Variants in TYRP1 observed in about 807,000 individuals in gnomAD.
TYRP1 encodes tyrosinase related protein 1.
Under a neutral mutation model 42.8 loss-of-function variants are expected in TYRP1, and 49 were observed. The ratio of observed to expected loss-of-function variants is 1.14; its 90% CI spans 0.91 to 1.45. TYRP1 has a LOEUF of 1.45. Ranked by LOEUF, TYRP1 falls within the 40% of genes most tolerant of loss-of-function variation. The pLI, the probability that TYRP1 is intolerant of heterozygous loss-of-function variation, is 0.00. For missense variants in TYRP1, 848 were observed against 662.0 expected (o/e 1.28, Z -3.08); for synonymous variants, 279 against 235.4 (o/e 1.19, Z -1.69).
At chr9:12,702,676 A>G (rs1159145868) in intron 5 of TYRP1, among the ~76,000 whole-genome samples, 1 of 152,068 alleles carries the variant, frequency 6.6e-6, no homozygotes, top group East Asian at 1.9e-4. Flanking sequence ...CTAATTTCTT[A>G]AACACCCAAA....
rs541742268 is a variant in TYRP1, at chr9:12,704,542, G to A, written c.1098G>A (p.Thr366=). 15 of 1,612,334 alleles carry A rather than the reference G, an allele frequency of 9.3e-6. No homozygotes were observed. Among genetic ancestry groups the A allele is most frequent in the African/African-American group, 5.3e-5 (4 of 74,900 alleles). Residue 366 remains threonine, a synonymous_variant, in exon 6 of 8, where the codon ACG becomes ACA. Transcript: ENST00000388918. ...RNTVEGYSDP[T]GKYDPAVRSL... is the part of the protein sequence containing the mutation. ...TGTGTCTAGGTTACAGTGACCCCAC[G>A]GGAAAGTATGACCCTGCTGTTCGAA...
chr9:12,695,939 T>G, intron 3 of TYRP1, 102 bp downstream of exon 3: 3 of 1,310,436 alleles, frequency 2.3e-6, no homozygotes, highest in East Asian at 2.4e-5. Flanking sequence ...GAACATTTGA[T>G]GAAAAAGCAA....
intron 3 of TYRP1, among the ~76,000 whole-genome samples, chr9:12,698,173 A>C (rs373285477): frequency 1.3e-5 from 2 of 152,210 alleles, no homozygotes; most frequent in East Asian, 3.9e-4. Flanking sequence ...AAAAAAGAAA[A>C]AGAAGACCCT....
intron 2 of TYRP1, among the ~76,000 whole-genome samples, chr9:12,694,809 T>G (rs2118220545): frequency 6.6e-6 from 1 of 152,326 alleles, no homozygotes; most frequent in African/African-American, 2.4e-5. Context: ...CTGCTGACCC[T>G]TAAAGAAGTT....
At chr9:12,694,515 C>A in intron 2 of TYRP1, 134 bp downstream of exon 2, 3 of 1,191,838 alleles carry the variant, frequency 2.5e-6, no homozygotes, top group Non-Finnish European at 3.6e-6. Context: ...GTTGAGGAAA[C>A]TGAGGCTTAG....
chr9:12,694,093 G>C lies in TYRP1; in HGVS notation c.97G>C (p.Val33Leu). The C allele has an allele frequency of 6.2e-7, 1 of 1,614,088 alleles. No homozygotes were observed. The highest frequency in any genetic ancestry group is 1.3e-5 in the African/African-American group (1 of 75,016). ...TCAATTCCCAAGACAGTGTGCCACT[G>C]TTGAGGCTTTGAGAAGTGGTATGTG... Reference protein sequence around the residue: ...RAQFPRQCATVEALRSGMCCP... With the variant: ...RAQFPRQCATLEALRSGMCCP... Residue 33 changes from valine (V) to leucine (L), a missense_variant, in exon 2 of 8, where the codon GTT (valine) becomes CTT (leucine). Coordinates refer to ENST00000388918, the MANE Select transcript of TYRP1 (RefSeq NM_000550.3).
intron 3 of TYRP1, among the ~76,000 whole-genome samples, chr9:12,697,953 G>T (rs1490699902): frequency 6.6e-6 from 1 of 152,084 alleles, no homozygotes; most frequent in Non-Finnish European, 1.5e-5. Context: ...GAATCTAAAT[G>T]CCTAGTCATT....
rs1464007897 is a variant in TYRP1, at chr9:12,709,570, A to ATGTT, written c.*389_*392dup. 33 of 202,364 alleles carry ATGTT rather than the reference A, an allele frequency of 1.6e-4. No individual in the cohort carries two copies. Among genetic ancestry groups the ATGTT allele is most frequent in the African/African-American group, 7.6e-4 (33 of 43,258 alleles). 12.5% of individuals were successfully genotyped at this position (202,364 alleles called of 1,614,324 possible). A position where few individuals can be genotyped will look rare whatever the true frequency, so the allele number is the denominator to read the frequency against. On this transcript the variant is annotated 3_prime_UTR_variant, in exon 8 of 8. Coordinates refer to ENST00000388918, the MANE Select transcript of TYRP1 (RefSeq NM_000550.3). Reference sequence around the variant, plus strand: ...AAATACATGAATGGGCATTTCTAAAATGTTAAAACATAAACACATTTCCAT... The same window carrying ATGTT: ...AAATACATGAATGGGCATTTCTAAAATGTTTGTTAAAACATAAACACATTTCCAT...
At chr9:12,695,956 G>A (rs1388391432) in intron 3 of TYRP1, 119 bp downstream of exon 3, 1 of 1,024,386 alleles carries the variant, frequency 9.8e-7, no homozygotes, top group East Asian at 2.5e-5. Context: ...GCAATTTTAT[G>A]TTACTAACCT....
rs570548703 is a variant in TYRP1 at position 12,709,147 on chromosome 9, G to C, written c.1579G>C (p.Glu527Gln). The C allele has an allele frequency of 2.4e-4, 390 of 1,612,480 alleles. 5 individuals carry two copies. The South Asian group carries it at 4.1e-3, about 17-fold the overall frequency. The change falls in exon 8 of 8, where the codon GAA becomes CAA. Residue 527 changes from glutamate (E) to glutamine (Q), a missense_variant. By Grantham distance (29) the Glu-to-Gln change is conservative. Coordinates refer to ENST00000388918, the MANE Select transcript of TYRP1 (RefSeq NM_000550.3). ...GTATCAATGCTATGCTGAAGAATATGAAAAACTCCAGAATCCTAATCAGTC... is the reference window on the plus strand; with the variant it reads ...GTATCAATGCTATGCTGAAGAATATCAAAAACTCCAGAATCCTAATCAGTC... ...DQYQCYAEEY[E>Q]KLQNPNQSVV
chr9:12,696,491 A>G (rs569374336), intron 3 of TYRP1, among the ~76,000 whole-genome samples: 1 of 152,266 alleles, frequency 6.6e-6, no homozygotes, highest in African/African-American at 2.4e-5. Flanking sequence ...ATATCAAAGC[A>G]CCATGTTGTA....
Position 12,693,893 on chromosome 9 carries a change from T to G in TYRP1, c.-85-19T>G. The G allele has an allele frequency of 1.3e-6, 2 of 1,519,460 alleles. No homozygotes were observed. Among genetic ancestry groups the G allele is most frequent in the Non-Finnish European group, 1.8e-6 (2 of 1,113,266 alleles). The allele number at this position is 1,519,460 out of a possible 1,614,324, so 94.1% of individuals were successfully genotyped here. Reference sequence around the variant, plus strand: ...CCAAGAAAAACTTGCATAATCTCATTTTACTTTCTCTTTTTCAGCTGGATT... The same window carrying G: ...CCAAGAAAAACTTGCATAATCTCATGTTACTTTCTCTTTTTCAGCTGGATT... On this transcript the variant is annotated intron_variant, in intron 1 of 7. Transcript: ENST00000388918.
chr9:12,695,890 T>C lies in TYRP1; in HGVS notation c.708+53T>C, dbSNP rs554815559. On this transcript the variant is annotated intron_variant, in intron 3 of 7. Transcript: ENST00000388918. ...ACTCTTTACAGACAAGATGCCTTGT[T>C]TGTAAGTGATTTTAATTCACTAGTT... The C allele has an allele frequency of 1.7e-5, 26 of 1,562,448 alleles. No homozygotes were observed. The African/African-American group carries it at 2.6e-4, about 15-fold the overall frequency.
chr9:12,699,452 A>G (rs1402690524), intron 4 of TYRP1, among the ~76,000 whole-genome samples: 1 of 152,060 alleles, frequency 6.6e-6, no homozygotes, highest in Non-Finnish European at 1.5e-5. Context: ...GTTCTTCCAT[A>G]TAAAAATAAG....
intron 5 of TYRP1, among the ~76,000 whole-genome samples, chr9:12,703,165 A>ATAAT (rs1335250770): frequency 6.6e-6 from 1 of 151,958 alleles, no homozygotes; most frequent in African/African-American, 2.4e-5. Context: ...TCAAAAGAAT[A>ATAAT]TAATTACTTT....
intron 6 of TYRP1, chr9:12,707,633 A>G (rs1159213355): frequency 4.7e-6 from 1 of 214,122 alleles, no homozygotes; most frequent in Non-Finnish European, 9.2e-6. Flanking sequence ...GCTGTATGCC[A>G]CAGCAAATTA....
chr9:12,708,600 C>G (rs1168343778), intron 7 of TYRP1, among the ~76,000 whole-genome samples: 1 of 151,860 alleles, frequency 6.6e-6, no homozygotes, highest in East Asian at 1.9e-4. Context: ...TTTTGAAGTT[C>G]AAAAGTTTTT....
rs201605146 is a variant in TYRP1, at chr9:12,708,977, G to A, written c.1409G>A (p.Ser470Asn). ...LGYTYEIQWP[S>N]REFSVPEIIA... ...TATTTTTATCTTCCTTTCCAAATAG[G>A]TCGGGAGTTTAGTGTACCTGAGATA... The change falls in exon 8 of 8, where the codon AGT (serine) becomes AAT (asparagine). Residue 470 changes from serine to asparagine, a missense_variant and splice_region_variant. Ser to Asn is a conservative substitution (Grantham distance 46). Transcript: ENST00000388918. 34 of 1,611,520 alleles carry A rather than the reference G, an allele frequency of 2.1e-5. No homozygotes were observed. The South Asian group carries it at 3.5e-4, about 17-fold the overall frequency.
At chr9:12,698,822 T>A (rs1412497580) in intron 4 of TYRP1, among the ~76,000 whole-genome samples, 167 bp downstream of exon 4, 1 of 152,142 alleles carries the variant, frequency 6.6e-6, no homozygotes, top group Non-Finnish European at 1.5e-5. Flanking sequence ...ATGTTCAAGG[T>A]ACTCTAGAAG....
Sources: gnomAD v4.1 joint callset for allele counts (sites outside exome capture counted in the v4.1 genomes callset) on GRCh38, gnomAD v4.1.1 for gene constraint, MANE v1.5 for transcripts, NCBI Gene and HGNC (gene_info 2026-07-23, HGNC 2026-07-21) for gene names.